Variants in ANTXR1 observed in about 807,000 individuals in gnomAD.
ANTXR1 encodes anthrax toxin receptor 1.
A neutral mutation model predicts 78.1 loss-of-function variants in ANTXR1; 19 were observed. That is an observed-to-expected ratio of 0.24 (90% CI 0.17 to 0.36). ANTXR1 has a LOEUF of 0.36. ANTXR1 is among the 10% of genes least tolerant of loss of function. The pLI is 1.00. For missense variants in ANTXR1, 518 were observed against 718.6 expected (o/e 0.72, Z 3.19); for synonymous variants, 273 against 260.5 (o/e 1.05, Z -0.46).
Position 69,249,075 on chromosome 2 carries a change from A to G in ANTXR1, c.*3590A>G, listed in dbSNP as rs1203660090. The G allele has an allele frequency of 1.3e-5, 2 of 152,258 alleles. No homozygotes were observed. Among genetic ancestry groups the G allele is most frequent in the African/African-American group, 4.8e-5 (2 of 41,474 alleles). The allele number at this position is 152,258 out of a possible 1,614,324, so 9.4% of individuals were successfully genotyped here. ...GAGTCATTGTTATAAAAAATCAGTT[A>G]TCACTATACCATGCTATAGGAGACT... On this transcript the variant is annotated 3_prime_UTR_variant, in exon 18 of 18. Coordinates refer to ENST00000303714, the MANE Select transcript of ANTXR1 (RefSeq NM_032208.3).
chr2:69,225,337 G>A (rs565586266), intron 17 of ANTXR1, among the ~76,000 whole-genome samples: 157 of 152,184 alleles, frequency 1.0e-3, no homozygotes, highest in African/African-American at 3.4e-3. Context: ...AGACTGAGCC[G>A]GGGACAGTGG....
intron 10 of ANTXR1, among the ~76,000 whole-genome samples, chr2:69,114,683 G>A (rs2104352065): frequency 6.6e-6 from 1 of 152,248 alleles, no homozygotes. Flanking sequence ...GGCAATATAA[G>A]GCCCATTGCT....
intron 10 of ANTXR1, among the ~76,000 whole-genome samples, chr2:69,115,914 T>C (rs999435258): frequency 1.3e-5 from 2 of 152,206 alleles, no homozygotes; most frequent in African/African-American, 4.8e-5. Context: ...CCTCTGGCTT[T>C]AGCCCAAGAT....
At chr2:69,083,190 A>G (rs1455343738) in intron 8 of ANTXR1, among the ~76,000 whole-genome samples, 1 of 152,220 alleles carries the variant, frequency 6.6e-6, no homozygotes, top group Admixed American at 6.5e-5. Flanking sequence ...CTACTCTTCC[A>G]AGACCCCAAC....
chr2:69,103,998 G>T (rs954102221), intron 10 of ANTXR1, among the ~76,000 whole-genome samples: 1 of 148,462 alleles, frequency 6.7e-6, no homozygotes, highest in Non-Finnish European at 1.5e-5. Context: ...GAGTACAATG[G>T]CACGATCTCA....
intron 11 of ANTXR1, 143 bp downstream of exon 11, chr2:69,123,229 G>C: frequency 3.6e-6 from 3 of 840,268 alleles, no homozygotes; most frequent in Non-Finnish European, 6.0e-6. Context: ...TGTTTACAGT[G>C]ACCCAGACGC....
chr2:69,059,394 T>C (rs1670164696), intron 3 of ANTXR1, among the ~76,000 whole-genome samples: 1 of 152,074 alleles, frequency 6.6e-6, no homozygotes, highest in Admixed American at 6.6e-5. Flanking sequence ...GGCAGAACCC[T>C]CCACCAGCAA....
intron 10 of ANTXR1, among the ~76,000 whole-genome samples, chr2:69,104,263 A>T (rs757423852): frequency 6.6e-6 from 1 of 152,132 alleles, no homozygotes; most frequent in Non-Finnish European, 1.5e-5. Context: ...GAAGGAGGTT[A>T]TCTTGTTTTT....
At chr2:69,014,177 T>C (rs1038880695) in intron 1 of ANTXR1, among the ~76,000 whole-genome samples, 1 of 152,120 alleles carries the variant, frequency 6.6e-6, no homozygotes, top group Non-Finnish European at 1.5e-5. Context: ...GGGCACTGAG[T>C]GAGAATGAAA....
chr2:69,034,633 C>T (rs972833706), intron 1 of ANTXR1, among the ~76,000 whole-genome samples: 5 of 152,188 alleles, frequency 3.3e-5, no homozygotes, highest in African/African-American at 1.2e-4. Flanking sequence ...TCTGTGACTA[C>T]AGCTTGCCCA....
At chr2:69,198,367 G>A (rs1430766679) in intron 17 of ANTXR1, among the ~76,000 whole-genome samples, 5 of 151,770 alleles carry the variant, frequency 3.3e-5, no homozygotes, top group African/African-American at 9.7e-5. Flanking sequence ...TTATTTTCTC[G>A]TTTGTCAATT....
rs555542424 is a variant in ANTXR1, at chr2:69,249,190, G to C, written c.*3705G>C. ...AATCAACTCTTTTTTCTGGTTGTCTGTTTGTTATAAAGTGCAACGTATTCA... is the reference window on the plus strand; with the variant it reads ...AATCAACTCTTTTTTCTGGTTGTCTCTTTGTTATAAAGTGCAACGTATTCA... On this transcript the variant is annotated 3_prime_UTR_variant, in exon 18 of 18. Transcript: ENST00000303714. 13 of 151,928 alleles carry C rather than the reference G, an allele frequency of 8.6e-5. No individual in the cohort carries two copies. The East Asian group carries it at 2.1e-3, about 25-fold the overall frequency. The allele number at this position is 151,928 out of a possible 1,614,324, so 9.4% of individuals were successfully genotyped here.
At chr2:69,171,728 T>C (rs1673991497) in intron 14 of ANTXR1, among the ~76,000 whole-genome samples, 1 of 152,190 alleles carries the variant, frequency 6.6e-6, no homozygotes, top group African/African-American at 2.4e-5. Context: ...AGCCTAGGGT[T>C]GCACACACAG....
chr2:69,095,594 A>G (rs1671374247), intron 9 of ANTXR1, among the ~76,000 whole-genome samples: 1 of 152,232 alleles, frequency 6.6e-6, no homozygotes, highest in South Asian at 2.1e-4. Flanking sequence ...CTTATTATGT[A>G]TAGCTCCAGG....
chr2:69,187,579 GTATT>G (rs1300827411), intron 16 of ANTXR1, among the ~76,000 whole-genome samples: 13 of 124,286 alleles, frequency 1.0e-4, no homozygotes, highest in Admixed American at 9.7e-4. Context: ...TATTTATCAT[GTATT>G]TCTTTTTTTT....
At chr2:69,179,066 A>G (rs574913679) in intron 14 of ANTXR1, among the ~76,000 whole-genome samples, 23 of 152,344 alleles carry the variant, frequency 1.5e-4, no homozygotes, top group Non-Finnish European at 2.8e-4. Flanking sequence ...ATCTGTGTTC[A>G]CAGCCACTTA....
At chr2:69,176,804 C>G (rs891279746) in intron 14 of ANTXR1, among the ~76,000 whole-genome samples, 7 of 152,304 alleles carry the variant, frequency 4.6e-5, no homozygotes, top group African/African-American at 1.2e-4. Flanking sequence ...GGGTTTGATT[C>G]TCTTTCAGTT....
At chr2:69,187,853 T>C (rs1674458351) in intron 16 of ANTXR1, among the ~76,000 whole-genome samples, 1 of 151,408 alleles carries the variant, frequency 6.6e-6, no homozygotes, top group Admixed American at 6.6e-5. Context: ...CCGCCCATAG[T>C]GCTAGGATTA....
chr2:69,093,534 T>C (rs943334853), intron 9 of ANTXR1, among the ~76,000 whole-genome samples: 5 of 152,172 alleles, frequency 3.3e-5, no homozygotes, highest in African/African-American at 1.2e-4. Context: ...TCTGATCATA[T>C]CAAATTCATA....
Sources: gnomAD v4.1 joint callset for allele counts (sites outside exome capture counted in the v4.1 genomes callset) on GRCh38, gnomAD v4.1.1 for gene constraint, MANE v1.5 for transcripts, NCBI Gene and HGNC (gene_info 2026-07-23, HGNC 2026-07-21) for gene names.